The following EYS variants were observed in gnomAD, a reference collection of about 807,000 sequenced individuals.
The protein encoded by EYS is EGF-like photoreceptor maintenance factor, also known as protein eyes shut homolog.
EYS carries 250 observed loss-of-function variants against 282.1 expected under a neutral mutation model. That is an observed-to-expected ratio of 0.89 (90% CI 0.80 to 0.98). The LOEUF (loss-of-function observed/expected upper bound fraction) is 0.98. EYS is among the 50% of genes least tolerant of loss of function. The pLI is 0.00. For missense variants in EYS, 4,016 were observed against 3,709.0 expected, an observed-to-expected ratio of 1.08 and a Z score of -2.15; for synonymous variants, 1,355 against 1,282.9, an observed-to-expected ratio of 1.06 and a Z score of -1.20.
intron 13 of EYS, among the ~76,000 whole-genome samples, chr6:64,999,118 T>A (rs1351740088): frequency 3.3e-5 from 5 of 152,226 alleles, no homozygotes; most frequent in African/African-American, 4.8e-5. Flanking sequence ...ACAAGGAATG[T>A]GTTTCTAACA....
intron 22 of EYS, among the ~76,000 whole-genome samples, chr6:64,686,827 A>ATATATGTGTGTG (rs1554193104): frequency 9.8e-5 from 4 of 40,862 alleles, no homozygotes; most frequent in African/African-American, 3.0e-4. Flanking sequence ...ATATGTGTAT[A>ATATATGTGTGTG]TATATATATA....
chr6:65,321,195 C>G (rs983156929), intron 11 of EYS, among the ~76,000 whole-genome samples: 1 of 139,596 alleles, frequency 7.2e-6, no homozygotes, highest in Non-Finnish European at 1.5e-5. Flanking sequence ...AATGGATTAA[C>G]ATGATTTAAA....
intron 12 of EYS, among the ~76,000 whole-genome samples, chr6:65,074,149 G>A (rs1216659731): frequency 6.6e-6 from 1 of 152,012 alleles, no homozygotes; most frequent in Non-Finnish European, 1.5e-5. Flanking sequence ...AAACGGAATT[G>A]TTTTCTAACT....
At chr6:64,090,867 A>G (rs564601754) in intron 31 of EYS, among the ~76,000 whole-genome samples, 112 of 152,246 alleles carry the variant, frequency 7.4e-4, no homozygotes, top group Middle Eastern at 3.4e-3. Flanking sequence ...CTATTTGAAT[A>G]CCTCCTAACT....
At chr6:65,262,021 T>G (rs1250168029) in intron 12 of EYS, among the ~76,000 whole-genome samples, 2 of 152,084 alleles carry the variant, frequency 1.3e-5, no homozygotes, top group African/African-American at 4.8e-5. Context: ...AATATAATTC[T>G]TATCAGAGAT....
At chr6:64,000,683 C>T (rs1415277384) in intron 33 of EYS, among the ~76,000 whole-genome samples, 1 of 152,100 alleles carries the variant, frequency 6.6e-6, no homozygotes, top group Non-Finnish European at 1.5e-5. Context: ...CCTAAGCTTC[C>T]TCTTTCCCTT....
At chr6:63,975,341 CAT>C (rs1766784079) in intron 35 of EYS, among the ~76,000 whole-genome samples, 1 of 151,834 alleles carries the variant, frequency 6.6e-6, no homozygotes, top group Non-Finnish European at 1.5e-5. Context: ...CTACAGCACT[CAT>C]AGTATAAAAG....
chr6:65,047,813 C>T (rs1216271640), intron 13 of EYS, among the ~76,000 whole-genome samples: 2 of 151,910 alleles, frequency 1.3e-5, no homozygotes, highest in African/African-American at 4.8e-5. Context: ...GAGGTCTTTT[C>T]TGCCACCCAG....
At chr6:65,611,518 T>G (rs1362345604) in intron 2 of EYS, among the ~76,000 whole-genome samples, 22 of 152,000 alleles carry the variant, frequency 1.4e-4, no homozygotes, top group Non-Finnish European at 2.9e-5. Context: ...CCCTAAGTCA[T>G]GACAAGCAGA....
chr6:64,012,851 T>G (rs1441744323), intron 33 of EYS, among the ~76,000 whole-genome samples: 1 of 152,184 alleles, frequency 6.6e-6, no homozygotes, highest in Non-Finnish European at 1.5e-5. Context: ...ATAAACACAC[T>G]GTTTTTAAAA....
chr6:63,945,560 C>T (rs1229247842), intron 35 of EYS, among the ~76,000 whole-genome samples: 4 of 152,180 alleles, frequency 2.6e-5, no homozygotes, highest in African/African-American at 9.6e-5. Flanking sequence ...CACACCCTCA[C>T]CACACATATG....
chr6:63,798,963 GTATATATATA>G (rs1231377496), intron 37 of EYS, among the ~76,000 whole-genome samples: 1 of 110,910 alleles, frequency 9.0e-6, no homozygotes, highest in East Asian at 2.5e-4. Context: ...ATGTATATGT[GTATATATATA>G]TATGTATATG....
chr6:65,322,883 T>C (rs889497422), intron 11 of EYS, among the ~76,000 whole-genome samples: 10 of 150,296 alleles, frequency 6.7e-5, no homozygotes, highest in African/African-American at 2.2e-4. Flanking sequence ...CATCCATACC[T>C]CAGTGGCTCT....
chr6:64,715,472 T>C (rs1771356373), intron 22 of EYS, among the ~76,000 whole-genome samples: 1 of 152,206 alleles, frequency 6.6e-6, no homozygotes, highest in Non-Finnish European at 1.5e-5. Flanking sequence ...GTCTCAAACA[T>C]ACTTTTAAGG....
chr6:63,792,205 G>T (rs1313550407), intron 37 of EYS, among the ~76,000 whole-genome samples: 1 of 151,502 alleles, frequency 6.6e-6, no homozygotes, highest in African/African-American at 2.4e-5. Context: ...AAGAGGAGGG[G>T]ATAAGGAGAG....
intron 26 of EYS, among the ~76,000 whole-genome samples, chr6:64,582,219 C>T (rs1766092943): frequency 6.6e-6 from 1 of 152,094 alleles, no homozygotes; most frequent in Admixed American, 6.6e-5. Context: ...TGTCTGTGGC[C>T]TGTTAGGAAC....
chr6:64,670,135 G>A (rs1353016857), intron 22 of EYS, among the ~76,000 whole-genome samples: 2 of 152,056 alleles, frequency 1.3e-5, no homozygotes, highest in Non-Finnish European at 2.9e-5. Context: ...GCCTAACTTT[G>A]GTGGGCACCT....
intron 19 of EYS, among the ~76,000 whole-genome samples, chr6:64,881,439 T>A (rs1051304798): frequency 6.6e-6 from 1 of 151,884 alleles, no homozygotes; most frequent in South Asian, 2.1e-4. Context: ...TATTTTAGCA[T>A]TTTTTTGTTA....
At chr6:64,619,864 T>C (rs948422345) in intron 23 of EYS, among the ~76,000 whole-genome samples, 2 of 151,996 alleles carry the variant, frequency 1.3e-5, no homozygotes, top group Non-Finnish European at 2.9e-5. Flanking sequence ...TGAGAGAAGA[T>C]TTACATCTCA....
Sources: allele counts gnomAD v4.1 joint callset (sites outside exome capture counted in the v4.1 genomes callset), GRCh38; gene constraint gnomAD v4.1.1; transcripts MANE v1.5; gene names NCBI Gene and HGNC (gene_info 2026-07-23, HGNC 2026-07-21).